The following POU2AF2 variants were observed in gnomAD, a reference collection of about 807,000 sequenced individuals.
POU2AF2 encodes POU class 2 homeobox associating factor 2.
chr11:111,247,922 A>T, the POU2AF2 span, among the ~76,000 whole-genome samples: 2 of 122,476 alleles, frequency 1.6e-5, no homozygotes, highest in African/African-American at 6.4e-5. Flanking sequence ...TTTGTCGCTC[A>T]GGCTGGAGTG....
chr11:111,261,018 T>A, the POU2AF2 span, among the ~76,000 whole-genome samples: 1 of 152,192 alleles, frequency 6.6e-6, no homozygotes. Flanking sequence ...ATCTTTGCAG[T>A]AGGAACAAGA....
chr11:111,284,161 T>A, the POU2AF2 span: 1 of 1,614,158 alleles, frequency 6.2e-7, no homozygotes, highest in South Asian at 1.1e-5. Context: ...AGTTTTCAAA[T>A]GACGTCTACA....
the POU2AF2 span, among the ~76,000 whole-genome samples, chr11:111,257,409 G>A: frequency 2.0e-5 from 3 of 150,644 alleles, no homozygotes; most frequent in Non-Finnish European, 4.4e-5. Context: ...GCCCAGGCTG[G>A]TGTGCAGTGG....
chr11:111,281,178 C>A, the POU2AF2 span, among the ~76,000 whole-genome samples: 1 of 152,178 alleles, frequency 6.6e-6, no homozygotes, highest in Admixed American at 6.5e-5. Flanking sequence ...TGCTTTCTGG[C>A]ATGTTTATCA....
the POU2AF2 span, among the ~76,000 whole-genome samples, chr11:111,264,491 CGAAAGAAAGAAAGAAA>C: frequency 0.032 from 2,725 of 85,978 alleles, 100 homozygotes; most frequent in East Asian, 0.043. Context: ...GCAAGACTCA[CGAAAGAAAGAAAGAAA>C]GAAAGAAAGA....
At chr11:111,264,862 GAC>G in the POU2AF2 span, among the ~76,000 whole-genome samples, 1 of 128,354 alleles carries the variant, frequency 7.8e-6, no homozygotes, top group Non-Finnish European at 1.6e-5. Context: ...AAAGAAAAGA[GAC>G]AGAAGGAAGG....
chr11:111,258,082 C>T, the POU2AF2 span, among the ~76,000 whole-genome samples: 12 of 152,082 alleles, frequency 7.9e-5, no homozygotes, highest in South Asian at 4.2e-4. Flanking sequence ...CGTGACACTG[C>T]GCTCCAGCCT....
the POU2AF2 span, among the ~76,000 whole-genome samples, chr11:111,254,289 T>C: frequency 2.6e-5 from 4 of 152,240 alleles, no homozygotes; most frequent in African/African-American, 9.6e-5. Context: ...ATAGCATATA[T>C]GGACCAAATC....
the POU2AF2 span, among the ~76,000 whole-genome samples, chr11:111,274,329 C>G: frequency 6.6e-6 from 1 of 152,060 alleles, no homozygotes; most frequent in African/African-American, 2.4e-5. Context: ...CAGGTCACCA[C>G]AGAGGGGGCA....
the POU2AF2 span, among the ~76,000 whole-genome samples, chr11:111,258,979 G>A: frequency 6.6e-6 from 1 of 152,278 alleles, no homozygotes; most frequent in African/African-American, 2.4e-5. Flanking sequence ...TATAGTTTGT[G>A]CCATTGGACA....
chr11:111,262,413 G>C, the POU2AF2 span, among the ~76,000 whole-genome samples: 3 of 152,190 alleles, frequency 2.0e-5, no homozygotes, highest in African/African-American at 7.2e-5. Flanking sequence ...CGTTTGTTTA[G>C]TTACACATTC....
At chr11:111,258,640 T>C in the POU2AF2 span, among the ~76,000 whole-genome samples, 1 of 152,246 alleles carries the variant, frequency 6.6e-6, no homozygotes, top group African/African-American at 2.4e-5. Flanking sequence ...TTTTATAAAA[T>C]GAGACAATGT....
the POU2AF2 span, chr11:111,255,878 T>A: frequency 1.0e-5 from 4 of 397,100 alleles, no homozygotes; most frequent in Non-Finnish European, 1.8e-5. Flanking sequence ...TCTATCATTC[T>A]ATCAAGAAAA....
At chr11:111,260,813 T>A in the POU2AF2 span, among the ~76,000 whole-genome samples, 2 of 152,204 alleles carry the variant, frequency 1.3e-5, no homozygotes, top group Non-Finnish European at 2.9e-5. Context: ...AAACTAATAC[T>A]CACATATTCT....
chr11:111,270,764 C>A, the POU2AF2 span, among the ~76,000 whole-genome samples: 1 of 152,182 alleles, frequency 6.6e-6, no homozygotes, highest in Non-Finnish European at 1.5e-5. Context: ...GCATCCAGGA[C>A]AGGTGGCCAG....
chr11:111,259,190 G>A, the POU2AF2 span, among the ~76,000 whole-genome samples: 3 of 152,040 alleles, frequency 2.0e-5, no homozygotes, highest in East Asian at 5.8e-4. Context: ...CACTAACCCC[G>A]AGATTGATAT....
chr11:111,281,852 TG>T, the POU2AF2 span, among the ~76,000 whole-genome samples: 1 of 152,194 alleles, frequency 6.6e-6, no homozygotes, highest in African/African-American at 2.4e-5. Context: ...AATACTCCTG[TG>T]GGGATGTAAA....
At chr11:111,281,526 A>G in the POU2AF2 span, 2 of 1,414,346 alleles carry the variant, frequency 1.4e-6, no homozygotes, top group Non-Finnish European at 2.0e-6. Context: ...ACGACCTTAC[A>G]ACACTTCCAA....
the POU2AF2 span, among the ~76,000 whole-genome samples, chr11:111,267,130 C>T: frequency 2.6e-5 from 4 of 152,182 alleles, no homozygotes; most frequent in East Asian, 1.9e-4. Context: ...TCCTTTCCTA[C>T]GATACTCAGA....
Sources: gnomAD v4.1 joint callset for allele counts (sites outside exome capture counted in the v4.1 genomes callset) on GRCh38, gnomAD v4.1.1 for gene constraint, MANE v1.5 for transcripts, NCBI Gene and HGNC (gene_info 2026-07-23, HGNC 2026-07-21) for gene names.